The following ZFHX4 variants were observed in gnomAD, a reference collection of about 807,000 sequenced individuals.
The protein encoded by ZFHX4 is zinc finger homeobox 4, also known as zinc finger homeobox protein 4.
Under a neutral mutation model 267.6 loss-of-function variants are expected in ZFHX4, and 56 were observed. The observed-to-expected ratio is 0.21, with a 90% CI of 0.17 to 0.26. The LOEUF (loss-of-function observed/expected upper bound fraction) is 0.26. Among genes scored for constraint, ZFHX4 ranks in the 10% least tolerant of loss-of-function variants. The pLI is 1.00. For missense variants in ZFHX4, 4,332 were observed against 4,420.0 expected (o/e 0.98, Z 0.56); for synonymous variants, 1,778 against 1,665.6 (o/e 1.07, Z -1.64).
At position 76,833,407 on chromosome 8, in the gene ZFHX4, G is replaced by A. The variant is rs1193866958; in HGVS notation, c.3394+1G>A. ...GAGCAGCAGTTGAGATCGACCTCAG[G>A]TAATGGTTCCTACTCCTTCTCAAAA... On this transcript the variant is annotated splice_donor_variant, in intron 5 of 10. Transcript: ENST00000651372. LOFTEE classifies it high-confidence loss of function. 6.2e-7 allele frequency: 1 copy of A among 1,603,232 alleles called. No individual in the cohort carries two copies. The highest frequency in any genetic ancestry group is 8.5e-7 in the Non-Finnish European group (1 of 1,174,068).
chr8:76,833,351 G>A lies in ZFHX4; in HGVS notation c.3339G>A (p.Leu1113=). Reference sequence around the variant, plus strand: ...TGTCTTCTGCAGAAACTGCCTCATTGGGAGCCAGGACTTGTGATGATGATC... The same window carrying A: ...TGTCTTCTGCAGAAACTGCCTCATTAGGAGCCAGGACTTGTGATGATGATC... ...CPPNELETAS[L]GARTCDDDLT... Residue 1113 remains leucine (L), a synonymous_variant, in exon 5 of 11, where the codon TTG becomes TTA. Transcript: ENST00000651372. The A allele has an allele frequency of 2.5e-6, 4 of 1,610,846 alleles. No individual in the cohort carries two copies. Among genetic ancestry groups the A allele is most frequent in the South Asian group, 1.1e-5 (1 of 90,370 alleles).
At chr8:76,741,084 T>C (rs923961864) in intron 3 of ZFHX4, among the ~76,000 whole-genome samples, 1 of 152,036 alleles carries the variant, frequency 6.6e-6, no homozygotes, top group Non-Finnish European at 1.5e-5. Flanking sequence ...GTCTGAAAGA[T>C]TAAAAAGAAA....
chr8:76,820,442 T>A (rs1811618733), intron 4 of ZFHX4, among the ~76,000 whole-genome samples: 1 of 152,216 alleles, frequency 6.6e-6, no homozygotes, highest in African/African-American at 2.4e-5. Context: ...AAGATGTTTA[T>A]GGCAGTGTGA....
intron 3 of ZFHX4, among the ~76,000 whole-genome samples, chr8:76,724,781 C>T (rs770901843): frequency 6.6e-6 from 1 of 152,068 alleles, no homozygotes; most frequent in Non-Finnish European, 1.5e-5. Context: ...GATATATAGT[C>T]TATTTTCTGA....
intron 3 of ZFHX4, among the ~76,000 whole-genome samples, chr8:76,750,975 AAATT>A (rs1388648484): frequency 5.3e-5 from 8 of 152,188 alleles, no homozygotes; most frequent in Non-Finnish European, 8.8e-5. Context: ...GATAAGGACA[AAATT>A]AATAAGAAAG....
intron 4 of ZFHX4, among the ~76,000 whole-genome samples, chr8:76,797,307 C>G (rs1292887342): frequency 2.6e-5 from 4 of 152,126 alleles, no homozygotes; most frequent in Non-Finnish European, 5.9e-5. Flanking sequence ...TGCTGATAAA[C>G]AAGTGTTTTT....
At chr8:76,827,325 C>T (rs1038948657) in intron 4 of ZFHX4, among the ~76,000 whole-genome samples, 4 of 152,268 alleles carry the variant, frequency 2.6e-5, no homozygotes, top group South Asian at 4.1e-4. Context: ...GGAGCTCAGG[C>T]GACAAGGCTT....
At position 76,855,563 on chromosome 8, in the gene ZFHX4, A is replaced by G. The variant is rs1412456972; in HGVS notation, c.8642A>G (p.Asp2881Gly). 2 of 1,613,826 alleles carry G rather than the reference A, an allele frequency of 1.2e-6. No homozygotes were observed. The highest frequency in any genetic ancestry group is 2.2e-5 in the South Asian group (2 of 91,090). ...ATCCATTTCAATGACAAAGATGGCG[A>G]CCACGACCAAAGCTTTTACATCACA... is the stretch of plus-strand genomic sequence containing the variant. ...PSIHFNDKDG[D>G]HDQSFYITDD... Residue 2881 changes from aspartate to glycine, a missense_variant, in exon 10 of 11, where the codon GAC (aspartate) becomes GGC (glycine). Asp to Gly is a moderately conservative substitution (Grantham distance 94, BLOSUM62 -1). This residue lies in a region of ZFHX4 where 1,648 missense variants were observed against 1,625.0 expected (regional missense o/e 1.01). Transcript: ENST00000651372.
chr8:76,806,214 A>G (rs1188301171), intron 4 of ZFHX4, among the ~76,000 whole-genome samples: 1 of 152,144 alleles, frequency 6.6e-6, no homozygotes, highest in Admixed American at 6.6e-5. Context: ...AACACGTAGC[A>G]TGATCATCCA....
chr8:76,814,386 A>G (rs1290607467), intron 4 of ZFHX4, among the ~76,000 whole-genome samples: 1 of 152,186 alleles, frequency 6.6e-6, no homozygotes, highest in Non-Finnish European at 1.5e-5. Flanking sequence ...TCTTAGAGTT[A>G]TGTAACATCC....
In ZFHX4 at chr8:76,856,278, G is replaced by C; in HGVS notation, c.9357G>C (p.Pro3119=). ...LPGMNGPSSL[P]GFPQNSNTLT... Reference sequence around the variant, plus strand: ...GAATGAACGGTCCATCCTCCTTGCCGGGATTTCCACAAAATTCAAACAGTA... The same window carrying C: ...GAATGAACGGTCCATCCTCCTTGCCCGGATTTCCACAAAATTCAAACAGTA... Residue 3119 remains proline, a synonymous_variant, in exon 10 of 11, where the codon CCG becomes CCC. Transcript: ENST00000651372. 1 of 1,613,826 alleles carries C rather than the reference G, an allele frequency of 6.2e-7. No homozygotes were observed.
intron 4 of ZFHX4, among the ~76,000 whole-genome samples, chr8:76,810,552 C>T (rs1811350726): frequency 6.6e-6 from 1 of 152,110 alleles, no homozygotes; most frequent in Non-Finnish European, 1.5e-5. Flanking sequence ...AGACAGGAAG[C>T]CAAGCAGTGA....
In ZFHX4 at chr8:76,863,922, T is replaced by A. The variant is rs1812952044; in HGVS notation, c.10208T>A (p.Phe3403Tyr). Residue 3403 changes from phenylalanine to tyrosine, a missense_variant, in exon 11 of 11, where the codon TTT (phenylalanine) becomes TAT (tyrosine). Transcript: ENST00000651372. ...GTTGTTCCATTCGTCAAGTATGAGT[T>A]TATATGCAGAAAGTGCCAGATGATG... ...TYVVPFVKYE[F>Y]ICRKCQMMFT... 3 of 1,593,990 alleles carry A rather than the reference T, an allele frequency of 1.9e-6. No homozygotes were observed. Among genetic ancestry groups the A allele is most frequent in the African/African-American group, 1.3e-5 (1 of 74,656 alleles).
chr8:76,807,627 C>A (rs1474356073), intron 4 of ZFHX4, among the ~76,000 whole-genome samples: 3 of 152,068 alleles, frequency 2.0e-5, no homozygotes. Flanking sequence ...GTTTTGAATT[C>A]CTGAAAAAGA....
At chr8:76,828,915 G>A (rs1166649015) in intron 4 of ZFHX4, among the ~76,000 whole-genome samples, 2 of 152,124 alleles carry the variant, frequency 1.3e-5, no homozygotes, top group Non-Finnish European at 2.9e-5. Context: ...TTTATTTTAT[G>A]TGCTAAACAT....
At chr8:76,845,069 A>G (rs1322927291) in intron 6 of ZFHX4, among the ~76,000 whole-genome samples, 1 of 152,140 alleles carries the variant, frequency 6.6e-6, no homozygotes, top group East Asian at 1.9e-4. Flanking sequence ...GTTTGACCCA[A>G]CTTTAACATA....
intron 3 of ZFHX4, among the ~76,000 whole-genome samples, chr8:76,728,773 G>A (rs1333349699): frequency 6.6e-6 from 1 of 152,126 alleles, no homozygotes; most frequent in East Asian, 1.9e-4. Context: ...AATCTTTATG[G>A]AAGTGATTAC....
chr8:76,726,054 G>A (rs1434091574), intron 3 of ZFHX4, among the ~76,000 whole-genome samples: 3 of 152,108 alleles, frequency 2.0e-5, no homozygotes, highest in East Asian at 3.8e-4. Context: ...GGACACTGGT[G>A]TGAAGCCTTT....
Position 76,704,120 on chromosome 8 carries a change from G to T in ZFHX4, c.32G>T (p.Arg11Met). Residue 11 changes from arginine to methionine, a missense_variant, in exon 2 of 11, where the codon AGG (arginine) becomes ATG (methionine). Around this residue, in one of 7 missense-constraint regions of ZFHX4, gnomAD observed 1,195 missense variants for 1,173.6 expected, o/e 1.02. Transcript: ENST00000651372. METCDSPPIS[R>M]QENGQSTSKL... ...ACCTGTGACTCCCCTCCTATCTCAAGGCAGGAAAATGGGCAGAGCACATCA... is the reference window on the plus strand; with the variant it reads ...ACCTGTGACTCCCCTCCTATCTCAATGCAGGAAAATGGGCAGAGCACATCA... 1 of 1,613,020 alleles carries T rather than the reference G, an allele frequency of 6.2e-7. No homozygotes were observed. The highest frequency in any genetic ancestry group is 8.5e-7 in the Non-Finnish European group (1 of 1,179,340).
Sources: allele counts gnomAD v4.1 joint callset (sites outside exome capture counted in the v4.1 genomes callset), GRCh38; gene constraint gnomAD v4.1.1; regional missense constraint gnomAD v4.1.1; transcripts MANE v1.5; gene names NCBI Gene and HGNC (gene_info 2026-07-23, HGNC 2026-07-21).